Variants in ZNF462 observed in about 807,000 individuals in gnomAD.
ZNF462 encodes the protein zinc finger protein 462.
ZNF462 carries 10 observed loss-of-function variants against 201.9 expected under a neutral mutation model. That is an observed-to-expected ratio of 0.05 (90% confidence interval 0.03 to 0.08). The LOEUF is 0.08. Ranked by LOEUF, ZNF462 falls within the 10% of genes least tolerant of loss-of-function variation. The pLI is 1.00. For missense variants in ZNF462, 2,523 were observed against 3,168.3 expected (o/e 0.80, Z 4.89); for synonymous variants, 1,227 against 1,193.3 (o/e 1.03, Z -0.58).
rs909998093 is a variant in ZNF462, at chr9:106,880,316, C to T, written c.-31+16961C>T. Among the ~76,000 whole-genome samples, 1 of 152,220 alleles carries T rather than the reference C, an allele frequency of 6.6e-6. No individual in the cohort carries two copies. The highest frequency in any genetic ancestry group is 2.4e-5 in the African/African-American group (1 of 41,454). On this transcript the variant is annotated intron_variant, in intron 1 of 12. Coordinates refer to ENST00000277225, the MANE Select transcript of ZNF462 (RefSeq NM_021224.6). The surrounding 1 kb of genome is among the most constrained non-coding windows in gnomAD (Gnocchi z 4.1). Reference sequence around the variant, plus strand: ...GGCCTGTGCAGTCCAGGAGCTGGGACAGACTGAACAGTTTGCCTGTGAGAA... The same window carrying T: ...GGCCTGTGCAGTCCAGGAGCTGGGATAGACTGAACAGTTTGCCTGTGAGAA...
At chr9:106,864,896 G>C (rs1044308882) in intron 1 of ZNF462, among the ~76,000 whole-genome samples, 1 of 152,138 alleles carries the variant, frequency 6.6e-6, no homozygotes, top group African/African-American at 2.4e-5. Flanking sequence ...CAGGTAAGCC[G>C]TGTCATGTTG....
In ZNF462 at chr9:106,933,502, C is replaced by T. The variant is rs201637795; in HGVS notation, c.6116+953C>T. Among the ~76,000 whole-genome samples the T allele has an allele frequency of 3.3e-5, 5 of 152,056 alleles. No homozygotes were observed. The highest frequency in any genetic ancestry group is 7.2e-5 in the African/African-American group (3 of 41,386). ...GAACAGCATCTATCACATTGTCTGA[C>T]GCACAGTGGAACTTTAAATAATTGT... is the stretch of plus-strand genomic sequence containing the variant. On this transcript the variant is annotated intron_variant, in intron 5 of 12. Coordinates refer to ENST00000277225, the MANE Select transcript of ZNF462 (RefSeq NM_021224.6). This position sits in a 1 kb window ranked among gnomAD's most constrained non-coding sequence, Gnocchi z 4.3.
At chr9:106,877,097 G>A (rs1160414301) in intron 1 of ZNF462, among the ~76,000 whole-genome samples, 2 of 152,114 alleles carry the variant, frequency 1.3e-5, no homozygotes, top group South Asian at 2.1e-4. Context: ...TGTAGAAAAC[G>A]TGGAATGGTG....
Position 106,926,468 on chromosome 9 carries a change from C to T in ZNF462, c.2556C>T (p.Asn852=). 1 of 1,614,164 alleles carries T rather than the reference C, an allele frequency of 6.2e-7. No individual in the cohort carries two copies. Residue 852 remains asparagine (N), a synonymous_variant, in exon 3 of 13, where the codon AAC becomes AAT. Coordinates refer to ENST00000277225, the MANE Select transcript of ZNF462 (RefSeq NM_021224.6). This position sits in a 1 kb window ranked among gnomAD's most constrained non-coding sequence, Gnocchi z 7.9. ...LYYCKHCDFN[N]KSARSVSTHY... ...ATTGTAAACACTGTGACTTTAACAA[C>T]AAATCTGCCCGGAGTGTTAGCACCC... is the stretch of plus-strand genomic sequence containing the variant.
chr9:106,910,880 A>G (rs1564092201), intron 1 of ZNF462, among the ~76,000 whole-genome samples: 1 of 152,300 alleles, frequency 6.6e-6, no homozygotes, highest in Non-Finnish European at 1.5e-5. Flanking sequence ...TAGCCCTGCA[A>G]TATAGCTTTA....
intron 10 of ZNF462, among the ~76,000 whole-genome samples, chr9:106,988,971 A>G (rs1828061827): frequency 6.6e-6 from 1 of 152,106 alleles, no homozygotes; most frequent in South Asian, 2.1e-4. Context: ...AAATGATCAT[A>G]TCATCAGCAA....
rs367799174 is a variant in ZNF462 at position 106,972,168 on chromosome 9, A to C, written c.6591A>C (p.Glu2197Asp). ...TEAVLHCEFC[E>D]FSSGYIQSIR... ...CCGTGCTTCACTGCGAATTCTGTGA[A>C]TTCTCCTCCGGCTACATCCAGAGCA... The change falls in exon 8 of 13, where the codon GAA (glutamate) becomes GAC (aspartate). Residue 2197 changes from glutamate (E) to aspartate (D), a missense_variant. Physicochemically the swap from Glu to Asp is conservative, Grantham distance 45. This residue lies in a region of ZNF462 where 228 missense variants were observed against 361.2 expected (regional missense o/e 0.63). Coordinates refer to ENST00000277225, the MANE Select transcript of ZNF462 (RefSeq NM_021224.6). This position sits in a 1 kb window ranked among gnomAD's most constrained non-coding sequence, Gnocchi z 4.8. 1 of 1,614,228 alleles carries C rather than the reference A, an allele frequency of 6.2e-7. No homozygotes were observed.
chr9:106,923,487 A>G lies in ZNF462; in HGVS notation c.104A>G (p.Asp35Gly), dbSNP rs1364025926. 1 of 1,614,190 alleles carries G rather than the reference A, an allele frequency of 6.2e-7. No individual in the cohort carries two copies. The highest frequency in any genetic ancestry group is 1.7e-5 in the Admixed American group (1 of 60,022). Reference protein sequence around the residue: ...DVHTAFLQPTDVAEDNVNELR... With the variant: ...DVHTAFLQPTGVAEDNVNELR... ...CACACGGCATTTCTGCAGCCAACTGATGTTGCTGAGGACAATGTGAATGAG... is the reference window on the plus strand; with the variant it reads ...CACACGGCATTTCTGCAGCCAACTGGTGTTGCTGAGGACAATGTGAATGAG... Residue 35 changes from aspartate to glycine, a missense_variant, in exon 2 of 13, where the codon GAT (aspartate) becomes GGT (glycine). Physicochemically the swap from Asp to Gly is moderately conservative, Grantham distance 94. This residue lies in a region of ZNF462 where 480 missense variants were observed against 544.4 expected (regional missense o/e 0.88). Coordinates refer to ENST00000277225, the MANE Select transcript of ZNF462 (RefSeq NM_021224.6). This position sits in a 1 kb window ranked among gnomAD's most constrained non-coding sequence, Gnocchi z 5.6.
chr9:106,939,388 G>A (rs889392332), intron 7 of ZNF462, among the ~76,000 whole-genome samples: 7 of 152,150 alleles, frequency 4.6e-5, no homozygotes, highest in Admixed American at 2.0e-4. Flanking sequence ...GTTTTGGATC[G>A]TTCCACTGTG....
rs1371112090 is a variant in ZNF462, at chr9:106,935,686, T to C, written c.6235+65T>C. 27 of 1,283,376 alleles carry C rather than the reference T, an allele frequency of 2.1e-5. No individual in the cohort carries two copies. The highest frequency in any genetic ancestry group is 1.8e-4 in the Middle Eastern group (1 of 5,450). 79.5% of individuals were successfully genotyped at this position (1,283,376 alleles called of 1,614,324 possible). On this transcript the variant is annotated intron_variant, in intron 6 of 12. Transcript: ENST00000277225. The surrounding 1 kb of genome is among the most constrained non-coding windows in gnomAD (Gnocchi z 4.1). ...CTCTGAGTTTGAAACCTGATGATCT[T>C]TATTGAGTGAAATACTGTCCTGCCT...
rs893906422 is a variant in ZNF462, at chr9:107,005,443, G to A, written c.7189+2017G>A. Among the ~76,000 whole-genome samples, 10 of 152,100 alleles carry A rather than the reference G, an allele frequency of 6.6e-5. No individual in the cohort carries two copies. The highest frequency in any genetic ancestry group is 1.3e-4 in the Non-Finnish European group (9 of 68,016). ...GTGATAGCTCATTGTGGTTTAATTT[G>A]CATTTCCCTGATGATTAGTGATGTT... On this transcript the variant is annotated intron_variant, in intron 11 of 12. Coordinates refer to ENST00000277225, the MANE Select transcript of ZNF462 (RefSeq NM_021224.6). This position sits in a 1 kb window ranked among gnomAD's most constrained non-coding sequence, Gnocchi z 4.4.
At chr9:106,939,753 G>A (rs1449536981) in intron 7 of ZNF462, among the ~76,000 whole-genome samples, 2 of 152,198 alleles carry the variant, frequency 1.3e-5, no homozygotes, top group African/African-American at 2.4e-5. Flanking sequence ...GAGAGAAAGA[G>A]TCCAGACCTT....
rs1827552803 is a variant in ZNF462, at chr9:106,870,763, G to C, written c.-31+7408G>C. On this transcript the variant is annotated intron_variant, in intron 1 of 12. Coordinates refer to ENST00000277225, the MANE Select transcript of ZNF462 (RefSeq NM_021224.6). This position sits in a 1 kb window ranked among gnomAD's most constrained non-coding sequence, Gnocchi z 4.3. ...AGCTGTAGGCCCAGGTGAGACAACTGTGTCAGAAGTAATAAAGCCCAGGAT... is the reference window on the plus strand; with the variant it reads ...AGCTGTAGGCCCAGGTGAGACAACTCTGTCAGAAGTAATAAAGCCCAGGAT... Among the ~76,000 whole-genome samples, 2 of 152,196 alleles carry C rather than the reference G, an allele frequency of 1.3e-5. No homozygotes were observed. Among genetic ancestry groups the C allele is most frequent in the Admixed American group, 1.3e-4 (2 of 15,276 alleles).
chr9:106,989,212 T>C (rs952178059), intron 10 of ZNF462, among the ~76,000 whole-genome samples: 1 of 152,080 alleles, frequency 6.6e-6, no homozygotes, highest in Non-Finnish European at 1.5e-5. Flanking sequence ...GGTATGTCCT[T>C]TGTATGCCAA....
At position 106,984,231 on chromosome 9, in the gene ZNF462, A is replaced by G. The variant is rs1478012475; in HGVS notation, c.6878A>G (p.Lys2293Arg). 3.7e-6 allele frequency: 6 copies of G among 1,613,934 alleles called. No homozygotes were observed. The highest frequency in any genetic ancestry group is 2.7e-5 in the African/African-American group (2 of 74,914). The part of the protein sequence containing the change: ...PIEVCRSKLS[K>R]YLQGVVFRCD... ...GAAGTTTGCCGGTCCAAACTGTCCA[A>G]ATACTTGCAGGGAGTAGTTTTCCGC... Residue 2293 changes from lysine (K) to arginine (R), a missense_variant, in exon 10 of 13, where the codon AAA (lysine) becomes AGA (arginine). Lys to Arg is a conservative substitution (Grantham distance 26). This residue lies in a region of ZNF462 where 228 missense variants were observed against 361.2 expected (regional missense o/e 0.63). Transcript: ENST00000277225. This position sits in a 1 kb window ranked among gnomAD's most constrained non-coding sequence, Gnocchi z 6.4.
rs182128009 is a variant in ZNF462 at position 106,937,596 on chromosome 9, T to G, written c.6236-1320T>G. On this transcript the variant is annotated intron_variant, in intron 6 of 12. Coordinates refer to ENST00000277225, the MANE Select transcript of ZNF462 (RefSeq NM_021224.6). ...GGAAATGAAAGAAGAAATACAGTCA[T>G]TCATAATCTTGTTATCTAAACGCCA... Among the ~76,000 whole-genome samples the G allele has an allele frequency of 1.3e-3, 200 of 152,336 alleles. 1 individual carries two copies. Among genetic ancestry groups the G allele is most frequent in the Admixed American group, 0.013 (198 of 15,296 alleles).
At chr9:106,983,025 T>A (rs1827564246) in intron 9 of ZNF462, among the ~76,000 whole-genome samples, 1 of 152,256 alleles carries the variant, frequency 6.6e-6, no homozygotes, top group Non-Finnish European at 1.5e-5. Flanking sequence ...TGCGTCCATT[T>A]GTAAACTTTC....
chr9:107,004,393 C>T (rs1829405114), intron 11 of ZNF462, among the ~76,000 whole-genome samples: 1 of 152,070 alleles, frequency 6.6e-6, no homozygotes, highest in South Asian at 2.1e-4. Context: ...GTACATTTAG[C>T]CTGCTTGAAT....
In ZNF462 at chr9:106,880,520, C is replaced by G. The variant is rs1219416543; in HGVS notation, c.-31+17165C>G. Among the ~76,000 whole-genome samples the G allele has an allele frequency of 2.0e-5, 3 of 152,224 alleles. No individual in the cohort carries two copies. The highest frequency in any genetic ancestry group is 7.2e-5 in the African/African-American group (3 of 41,450). ...CACTCATCTAAAATTAGCCACATCT[C>G]CTAACCCAAGTGTGGACTTTGTGTT... On this transcript the variant is annotated intron_variant, in intron 1 of 12. Transcript: ENST00000277225. The surrounding 1 kb of genome is among the most constrained non-coding windows in gnomAD (Gnocchi z 4.1).
Sources: allele counts gnomAD v4.1 joint callset (sites outside exome capture counted in the v4.1 genomes callset), GRCh38; gene constraint gnomAD v4.1.1; regional missense constraint gnomAD v4.1.1; non-coding constraint Gnocchi (gnomAD v3.1); transcripts MANE v1.5; gene names NCBI Gene and HGNC (gene_info 2026-07-23, HGNC 2026-07-21).